The following TRAPPC9 variants were observed in gnomAD, a reference collection of about 807,000 sequenced individuals.
The protein encoded by TRAPPC9 is IKK2 binding protein.
TRAPPC9 carries 83 observed loss-of-function variants against 124.0 expected under a neutral mutation model. The ratio of observed to expected loss-of-function variants is 0.67; its 90% CI spans 0.56 to 0.80. TRAPPC9 has a LOEUF of 0.80. Among genes scored for constraint, TRAPPC9 ranks in the 30% least tolerant of loss-of-function variants. The pLI is 0.00. For synonymous variants in TRAPPC9, 638 were observed against 617.5 expected, an observed-to-expected ratio of 1.03 and a Z score of -0.49; for missense variants, 1,302 against 1,508.3, an observed-to-expected ratio of 0.86 and a Z score of 2.27.
chr8:140,398,659 CATTCAAG>C (rs1244666347), intron 6 of TRAPPC9, among the ~76,000 whole-genome samples: 5 of 152,138 alleles, frequency 3.3e-5, no homozygotes, highest in African/African-American at 1.2e-4. Context: ...AGCAGCAAAG[CATTCAAG>C]AGATATCTTG....
intron 21 of TRAPPC9, among the ~76,000 whole-genome samples, chr8:139,829,859 G>A (rs1475795730): frequency 3.3e-5 from 5 of 152,186 alleles, no homozygotes; most frequent in Non-Finnish European, 7.3e-5. Flanking sequence ...AGAGGTCAAT[G>A]GCTGGCCAAG....
At chr8:139,995,587 T>C (rs912067032) in intron 18 of TRAPPC9, among the ~76,000 whole-genome samples, 1 of 152,108 alleles carries the variant, frequency 6.6e-6, no homozygotes. Flanking sequence ...TATCCTGCCT[T>C]TGTAGCAGGC....
At chr8:139,914,422 G>A (rs917581157) in intron 19 of TRAPPC9, among the ~76,000 whole-genome samples, 5 of 152,258 alleles carry the variant, frequency 3.3e-5, no homozygotes, top group African/African-American at 1.2e-4. Context: ...GGCGGAAGGC[G>A]CTGAGGTGTA....
intron 17 of TRAPPC9, among the ~76,000 whole-genome samples, chr8:140,072,120 G>A (rs571293927): frequency 6.6e-6 from 1 of 152,328 alleles, no homozygotes; most frequent in Non-Finnish European, 1.5e-5. Flanking sequence ...AAATTGTTCT[G>A]TATCTTTATT....
chr8:140,449,938 C>G (rs753678380), intron 2 of TRAPPC9, among the ~76,000 whole-genome samples: 1 of 152,240 alleles, frequency 6.6e-6, no homozygotes, highest in Non-Finnish European at 1.5e-5. Flanking sequence ...AAGTACATTT[C>G]AGTTTCTAGT....
intron 21 of TRAPPC9, among the ~76,000 whole-genome samples, chr8:139,736,263 T>C (rs1363213302): frequency 6.6e-6 from 1 of 152,146 alleles, no homozygotes; most frequent in African/African-American, 2.4e-5. Flanking sequence ...TGACCAACTA[T>C]CCCAGTTTGC....
At chr8:140,335,069 T>C (rs2066998969) in intron 9 of TRAPPC9, among the ~76,000 whole-genome samples, 1 of 152,138 alleles carries the variant, frequency 6.6e-6, no homozygotes, top group South Asian at 2.1e-4. Flanking sequence ...AAATCGTGAA[T>C]GTCCTTGAGA....
At chr8:140,036,936 T>G (rs1227485740) in intron 17 of TRAPPC9, among the ~76,000 whole-genome samples, 2 of 152,142 alleles carry the variant, frequency 1.3e-5, no homozygotes, top group Admixed American at 6.5e-5. Flanking sequence ...CATGGTAGTT[T>G]GCTGCACCCA....
chr8:140,251,367 C>T (rs114349270), intron 16 of TRAPPC9, among the ~76,000 whole-genome samples: 1,867 of 152,324 alleles, frequency 0.012, 25 homozygotes, highest in African/African-American at 0.042. Flanking sequence ...GCCGTTTACA[C>T]ACCAACCAAA....
At chr8:140,074,554 G>C (rs1407915720) in intron 17 of TRAPPC9, among the ~76,000 whole-genome samples, 1 of 152,192 alleles carries the variant, frequency 6.6e-6, no homozygotes, top group Non-Finnish European at 1.5e-5. Context: ...TGGGGTTCTT[G>C]GCTGATGTCG....
At chr8:140,445,257 G>C (rs2071202779) in intron 2 of TRAPPC9, among the ~76,000 whole-genome samples, 1 of 152,174 alleles carries the variant, frequency 6.6e-6, no homozygotes, top group Non-Finnish European at 1.5e-5. Flanking sequence ...TGTCTCTAAA[G>C]TATATCACAG....
At chr8:140,379,275 G>C (rs1181571511) in intron 7 of TRAPPC9, among the ~76,000 whole-genome samples, 1 of 152,140 alleles carries the variant, frequency 6.6e-6, no homozygotes, top group African/African-American at 2.4e-5. Flanking sequence ...CTCCCTCCAT[G>C]CTGTGCTGCC....
At chr8:140,326,569 A>G (rs527511271) in intron 9 of TRAPPC9, among the ~76,000 whole-genome samples, 3 of 152,264 alleles carry the variant, frequency 2.0e-5, no homozygotes, top group South Asian at 4.1e-4. Flanking sequence ...AACATCATCA[A>G]TGATGACTTT....
At chr8:139,771,434 T>C (rs144651227) in intron 21 of TRAPPC9, among the ~76,000 whole-genome samples, 1 of 152,248 alleles carries the variant, frequency 6.6e-6, no homozygotes, top group African/African-American at 2.4e-5. Flanking sequence ...CAGGGGTCCA[T>C]GTGAACCCAG....
At chr8:139,731,328 G>A (rs1309833147) in intron 22 of TRAPPC9, 100 bp from the exon 23 acceptor site, 42 of 1,427,214 alleles carry the variant, frequency 2.9e-5, no homozygotes, top group African/African-American at 5.6e-5. Flanking sequence ...GGTGTTATGG[G>A]GGAAGCGAGG....
intron 19 of TRAPPC9, among the ~76,000 whole-genome samples, chr8:139,968,883 C>T (rs574775041): frequency 2.0e-5 from 3 of 152,298 alleles, no homozygotes; most frequent in South Asian, 2.1e-4. Flanking sequence ...GGACTCTAAC[C>T]CCCGTCTCTG....
rs969152609 is a variant in TRAPPC9, at chr8:140,241,365, C to A, written c.2431+11412G>T. Among the ~76,000 whole-genome samples, 2 of 152,142 alleles carry A rather than the reference C, an allele frequency of 1.3e-5. No individual in the cohort carries two copies. The highest frequency in any genetic ancestry group is 2.9e-5 in the Non-Finnish European group (2 of 68,028). On this transcript the variant is annotated intron_variant, in intron 16 of 22. Coordinates refer to ENST00000438773, the MANE Select transcript of TRAPPC9 (RefSeq NM_001160372.4). The surrounding 1 kb of genome is among the most constrained non-coding windows in gnomAD (Gnocchi z 5.0). ...GTAGTGAGCTGAGATCACACCACTGCACTCCAGCCTGGGAGACAGAGTGAG... is the reference window on the plus strand; with the variant it reads ...GTAGTGAGCTGAGATCACACCACTGAACTCCAGCCTGGGAGACAGAGTGAG...
rs2068259862 is a variant in TRAPPC9 at position 140,370,841 on chromosome 8, ATCTAGTCAT to A, written c.1351+114_1351+122del. On this transcript the variant is annotated intron_variant, in intron 8 of 22. Transcript: ENST00000438773. ...GCAGGCACCCAACTCCAGGGCAGGG[ATCTAGTCAT>A]TCTGGAGCCACCAGCACCAACCACG... The A allele has an allele frequency of 3.8e-6, 4 of 1,060,336 alleles. No homozygotes were observed. In the Admixed American group the frequency reaches 7.4e-5, roughly 20 times the overall value. 65.7% of individuals were successfully genotyped at this position (1,060,336 alleles called of 1,614,324 possible).
At chr8:139,940,270 T>C (rs765510856) in intron 19 of TRAPPC9, among the ~76,000 whole-genome samples, 1 of 152,156 alleles carries the variant, frequency 6.6e-6, no homozygotes, top group Non-Finnish European at 1.5e-5. Context: ...TTCTCCACCA[T>C]CTCTCTAGAC....
Sources: allele counts gnomAD v4.1 joint callset (sites outside exome capture counted in the v4.1 genomes callset), GRCh38; gene constraint gnomAD v4.1.1; non-coding constraint Gnocchi (gnomAD v3.1); transcripts MANE v1.5; gene names NCBI Gene and HGNC (gene_info 2026-07-23, HGNC 2026-07-21).